CDH13: variants seen among roughly 807,000 people sequenced by gnomAD.
The protein encoded by CDH13 is cadherin 13.
In CDH13, 24 loss-of-function variants were observed where a neutral mutation model predicts 63.8. The observed-to-expected ratio is 0.38, with a 90% CI of 0.27 to 0.53. The LOEUF is 0.53. CDH13 is among the 20% of genes least tolerant of loss of function. The pLI, the probability that CDH13 is intolerant of heterozygous loss-of-function variation, is 0.85. For synonymous variants in CDH13, 503 were observed against 355.3 expected (o/e 1.42, Z -4.67); for missense variants, 1,049 against 903.1 (o/e 1.16, Z -2.07).
chr16:83,495,643 G>T (rs1382325537), intron 7 of CDH13, among the ~76,000 whole-genome samples: 1 of 152,170 alleles, frequency 6.6e-6, no homozygotes, highest in Non-Finnish European at 1.5e-5. Context: ...ACATATTTGG[G>T]GTTAAAATAT....
chr16:83,607,351 CAG>C, intron 8 of CDH13, among the ~76,000 whole-genome samples: 1 of 151,874 alleles, frequency 6.6e-6, no homozygotes, highest in Non-Finnish European at 1.5e-5. Flanking sequence ...ACCAGGGAGT[CAG>C]AGGTTGCAGT....
intron 1 of CDH13, among the ~76,000 whole-genome samples, chr16:82,809,716 A>T (rs765600921): frequency 6.6e-6 from 1 of 152,138 alleles, no homozygotes; most frequent in Non-Finnish European, 1.5e-5. Flanking sequence ...CTTTGTTCCC[A>T]AGAGGGAATT....
chr16:83,439,391 C>A (rs1323732619), intron 6 of CDH13, among the ~76,000 whole-genome samples: 2 of 152,176 alleles, frequency 1.3e-5, no homozygotes, highest in Non-Finnish European at 2.9e-5. Flanking sequence ...CTATAGGGAA[C>A]TATGGGATGT....
At chr16:83,698,609 C>A (rs890299778) in intron 10 of CDH13, among the ~76,000 whole-genome samples, 2 of 152,210 alleles carry the variant, frequency 1.3e-5, no homozygotes, top group African/African-American at 4.8e-5. Context: ...CTAACTCACA[C>A]AGGCGGTATG....
At chr16:83,506,532 C>T (rs918473187) in intron 7 of CDH13, among the ~76,000 whole-genome samples, 1 of 152,174 alleles carries the variant, frequency 6.6e-6, no homozygotes, top group Non-Finnish European at 1.5e-5. Context: ...TTTTCTCTTC[C>T]CTCAAAGATA....
intron 7 of CDH13, among the ~76,000 whole-genome samples, chr16:83,517,228 T>C (rs1293180838): frequency 1.3e-5 from 2 of 152,180 alleles, no homozygotes; most frequent in African/African-American, 2.4e-5. Flanking sequence ...AGTTTAAGGA[T>C]GTAGACTGTC....
chr16:82,683,540 C>G (rs1363803830), intron 1 of CDH13, among the ~76,000 whole-genome samples: 3 of 152,164 alleles, frequency 2.0e-5, no homozygotes, highest in African/African-American at 7.2e-5. Context: ...ACAGCTAGAC[C>G]AAGGAGTCAA....
chr16:83,487,581 C>G (rs1356253095), intron 7 of CDH13, among the ~76,000 whole-genome samples: 1 of 152,170 alleles, frequency 6.6e-6, no homozygotes, highest in African/African-American at 2.4e-5. Context: ...TCGCGGACCT[C>G]CAAACACAGC....
intron 2 of CDH13, among the ~76,000 whole-genome samples, chr16:82,988,791 A>G (rs1466774307): frequency 3.3e-5 from 5 of 150,328 alleles, no homozygotes; most frequent in African/African-American, 4.9e-5. Flanking sequence ...CGAGTAATGA[A>G]GGGCAGATTC....
chr16:83,187,961 C>T (rs909582478), intron 4 of CDH13, among the ~76,000 whole-genome samples: 1 of 152,100 alleles, frequency 6.6e-6, no homozygotes, highest in Non-Finnish European at 1.5e-5. Flanking sequence ...ATAAAAGGAA[C>T]TATGAGTGCA....
chr16:83,255,169 G>T (rs1472015116), intron 5 of CDH13, among the ~76,000 whole-genome samples: 2 of 152,062 alleles, frequency 1.3e-5, no homozygotes, highest in Non-Finnish European at 2.9e-5. Context: ...TATTGAAAAG[G>T]CTGAGAATTC....
At chr16:83,043,786 C>G (rs905155298) in intron 3 of CDH13, among the ~76,000 whole-genome samples, 1 of 150,336 alleles carries the variant, frequency 6.7e-6, no homozygotes, top group Non-Finnish European at 1.5e-5. Flanking sequence ...TAGGTCATGC[C>G]ATTGCACTCT....
At chr16:82,983,306 C>T (rs59583540) in intron 2 of CDH13, among the ~76,000 whole-genome samples, 17,879 of 152,166 alleles carry the variant, frequency 0.12, 1,298 homozygotes, top group East Asian at 0.17. Flanking sequence ...TAGCTCTCCC[C>T]GCTCCTCCCA....
At chr16:83,297,604 T>C (rs1415104346) in intron 5 of CDH13, among the ~76,000 whole-genome samples, 1 of 152,150 alleles carries the variant, frequency 6.6e-6, no homozygotes, top group African/African-American at 2.4e-5. Context: ...GTGGTCTTTG[T>C]AGTTAGATGT....
intron 10 of CDH13, among the ~76,000 whole-genome samples, chr16:83,707,708 G>A (rs1907303353): frequency 6.6e-6 from 1 of 151,676 alleles, no homozygotes; most frequent in South Asian, 2.1e-4. Flanking sequence ...TGATCTGGTG[G>A]CCGTTCAATA....
intron 7 of CDH13, among the ~76,000 whole-genome samples, chr16:83,547,863 G>GT (rs2075416247): frequency 6.6e-6 from 1 of 152,170 alleles, no homozygotes; most frequent in Non-Finnish European, 1.5e-5. Context: ...GTGGGAAGCT[G>GT]TGGCCTGCAG....
intron 7 of CDH13, among the ~76,000 whole-genome samples, chr16:83,563,238 G>A (rs915779667): frequency 1.3e-5 from 2 of 152,218 alleles, no homozygotes; most frequent in African/African-American, 4.8e-5. Flanking sequence ...ACATGGGGAA[G>A]CATTACTAAA....
At chr16:82,842,432 C>G (rs977060633) in intron 1 of CDH13, among the ~76,000 whole-genome samples, 2 of 151,738 alleles carry the variant, frequency 1.3e-5, no homozygotes, top group African/African-American at 4.8e-5. Flanking sequence ...CACACTGTAC[C>G]ACTCTTTATT....
chr16:83,240,777 GC>G (rs1904366229), intron 5 of CDH13, among the ~76,000 whole-genome samples: 1 of 117,652 alleles, frequency 8.5e-6, no homozygotes, highest in Admixed American at 1.2e-4. Context: ...GTCCAAGCTG[GC>G]TTCTAACTCC....
Sources: allele counts gnomAD v4.1 joint callset (sites outside exome capture counted in the v4.1 genomes callset), GRCh38; gene constraint gnomAD v4.1.1; transcripts MANE v1.5; gene names NCBI Gene and HGNC (gene_info 2026-07-23, HGNC 2026-07-21).